DCDC1: variants seen among roughly 807,000 people sequenced by gnomAD.
DCDC1 encodes the protein doublecortin domain containing 1.
Under a neutral mutation model 178.3 loss-of-function variants are expected in DCDC1, and 200 were observed. The observed-to-expected ratio is 1.12, with a 90% CI of 1.00 to 1.26. DCDC1 has a LOEUF of 1.26. DCDC1 is among the 50% of genes most tolerant of loss of function. The pLI, the probability that DCDC1 is intolerant of heterozygous loss-of-function variation, is 0.00. For missense variants in DCDC1, 1,983 were observed against 1,749.2 expected (o/e 1.13, Z -2.38); for synonymous variants, 690 against 604.8 (o/e 1.14, Z -2.07).
intron 20 of DCDC1, among the ~76,000 whole-genome samples, chr11:30,995,345 C>T (rs1951201716): frequency 6.6e-6 from 1 of 152,048 alleles, no homozygotes; most frequent in Non-Finnish European, 1.5e-5. Flanking sequence ...CCAATTTGAT[C>T]TATAGATTCA....
chr11:31,295,737 T>C (rs890528250), intron 6 of DCDC1, among the ~76,000 whole-genome samples: 5 of 152,178 alleles, frequency 3.3e-5, no homozygotes, highest in Non-Finnish European at 7.4e-5. Flanking sequence ...ACTGAGAGTA[T>C]TCCCTCAACA....
chr11:31,018,377 G>C (rs946170974), intron 20 of DCDC1, among the ~76,000 whole-genome samples: 12 of 152,186 alleles, frequency 7.9e-5, no homozygotes, highest in Admixed American at 7.9e-4. Flanking sequence ...GAAGGTGTCA[G>C]TTTCTGTGAA....
intron 20 of DCDC1, among the ~76,000 whole-genome samples, chr11:30,956,017 C>T (rs1948752233): frequency 2.0e-5 from 3 of 152,062 alleles, no homozygotes; most frequent in Admixed American, 2.0e-4. Flanking sequence ...AATTTGAGGA[C>T]TTTTTTGGTT....
chr11:31,016,794 T>C (rs1019396602), intron 20 of DCDC1, among the ~76,000 whole-genome samples: 4 of 152,202 alleles, frequency 2.6e-5, no homozygotes, highest in Non-Finnish European at 4.4e-5. Context: ...TTTTACTGTC[T>C]GGGGTTCGAC....
intron 18 of DCDC1, among the ~76,000 whole-genome samples, chr11:31,066,889 C>T (rs1956281054): frequency 6.6e-6 from 1 of 152,100 alleles, no homozygotes. Flanking sequence ...AGTGTAGGTT[C>T]ACCAGTTATA....
At chr11:31,092,462 C>T (rs1014943270) in intron 16 of DCDC1, among the ~76,000 whole-genome samples, 2 of 152,208 alleles carry the variant, frequency 1.3e-5, no homozygotes, top group Admixed American at 1.3e-4. Context: ...GCTTGAACAT[C>T]ACATATGCTT....
Position 31,106,887 on chromosome 11 carries a change from C to G in DCDC1, c.1661G>C (p.Arg554Pro), listed in dbSNP as rs762541396. Residue 554 changes from arginine to proline, a missense_variant, in exon 13 of 39, where the codon CGG (arginine) becomes CCG (proline). Coordinates refer to ENST00000684477, the MANE Select transcript of DCDC1 (RefSeq NM_001387274.1). The stretch of plus-strand genomic sequence containing the variant: ...TTCTTGGCCATTCTCATCAAAAAGC[C>G]GCATTGAAGAATAATTGAGGCCTGG... Reference protein sequence around the residue: ...NPPGLNYSSMRLFDENGQEIK... With the variant: ...NPPGLNYSSMPLFDENGQEIK... The G allele has an allele frequency of 1.3e-6, 1 of 765,936 alleles. No individual in the cohort carries two copies. The highest frequency in any genetic ancestry group is 2.4e-6 in the Non-Finnish European group (1 of 417,796). The allele number at this position is 765,936 out of a possible 1,614,324, so 47.4% of individuals were successfully genotyped here.
At chr11:31,001,645 C>A (rs1287856491) in intron 20 of DCDC1, among the ~76,000 whole-genome samples, 6 of 152,164 alleles carry the variant, frequency 3.9e-5, no homozygotes, top group Admixed American at 3.3e-4. Flanking sequence ...ACAGACAAAC[C>A]ACTCTGTGTT....
chr11:31,296,799 CT>C (rs1471373370), intron 6 of DCDC1, among the ~76,000 whole-genome samples: 3 of 152,050 alleles, frequency 2.0e-5, no homozygotes, highest in African/African-American at 7.2e-5. Flanking sequence ...CAAAAAGCCC[CT>C]TATAAAGCCA....
intron 36 of DCDC1, among the ~76,000 whole-genome samples, chr11:30,885,831 T>A (rs989972403): frequency 6.6e-6 from 1 of 152,042 alleles, no homozygotes; most frequent in Admixed American, 6.6e-5. Flanking sequence ...GACCTAGCAA[T>A]CCCTCTAGGA....
intron 1 of DCDC1, among the ~76,000 whole-genome samples, chr11:31,354,165 A>G (rs933141758): frequency 2.2e-4 from 33 of 152,178 alleles, no homozygotes; most frequent in African/African-American, 8.0e-4. Flanking sequence ...ATGTGCCTGT[A>G]GTACCAGCTA....
At chr11:31,290,572 G>A in intron 7 of DCDC1, 75 bp downstream of exon 7, 2 of 1,397,438 alleles carry the variant, frequency 1.4e-6, no homozygotes, top group Non-Finnish European at 1.9e-6. Context: ...ATATTTAGAA[G>A]AAGAAAACAA....
chr11:30,978,610 C>T lies in DCDC1; in HGVS notation c.2592-26042G>A, dbSNP rs183643235. Among the ~76,000 whole-genome samples, 81 of 152,146 alleles carry T rather than the reference C, an allele frequency of 5.3e-4. 1 individual carries two copies. Among genetic ancestry groups the T allele is most frequent in the African/African-American group, 1.8e-3 (75 of 41,526 alleles). ...CCATTACCTCAAGTGTTTATCATTT[C>T]TATGTGTTGATAACATTTCAAGTCT... On this transcript the variant is annotated intron_variant, in intron 20 of 38. Coordinates refer to ENST00000684477, the MANE Select transcript of DCDC1 (RefSeq NM_001387274.1).
chr11:31,150,588 C>T (rs1396266951), intron 9 of DCDC1, among the ~76,000 whole-genome samples: 1 of 152,098 alleles, frequency 6.6e-6, no homozygotes, highest in Non-Finnish European at 1.5e-5. Context: ...ATCTATCTAT[C>T]TATCTTTCTA....
chr11:31,005,765 G>T (rs1161010496), intron 20 of DCDC1, among the ~76,000 whole-genome samples: 2 of 151,430 alleles, frequency 1.3e-5, no homozygotes, highest in Non-Finnish European at 2.9e-5. Context: ...TGAAATCATG[G>T]CTCCTTGATA....
At chr11:31,196,403 AC>A (rs927662628) in intron 9 of DCDC1, among the ~76,000 whole-genome samples, 38 of 151,640 alleles carry the variant, frequency 2.5e-4, no homozygotes, top group Admixed American at 3.3e-4. Context: ...AAGACTATCC[AC>A]CCCCCGACCA....
rs142903258 is a variant in DCDC1, at chr11:31,246,463, T to C, written c.1055-4847A>G. ...TTTCCCACCAATTCAACCTATTCAA[T>C]TGGCTTTTTTTTTTTTAAATGAAGT... On this transcript the variant is annotated intron_variant, in intron 8 of 38. Transcript: ENST00000684477. Among the ~76,000 whole-genome samples the C allele has an allele frequency of 7.0e-3, 1,059 of 151,894 alleles. 13 individuals carry two copies. Among genetic ancestry groups the C allele is most frequent in the African/African-American group, 0.024 (1,004 of 41,478 alleles).
intron 9 of DCDC1, among the ~76,000 whole-genome samples, chr11:31,183,405 C>T (rs895930989): frequency 5.3e-5 from 8 of 152,196 alleles, no homozygotes; most frequent in Non-Finnish European, 7.3e-5. Flanking sequence ...TCTCAGACCA[C>T]AGCACAATCA....
intron 20 of DCDC1, among the ~76,000 whole-genome samples, chr11:30,973,273 C>CAAA (rs35354864): frequency 0.023 from 2,587 of 113,698 alleles, 100 homozygotes; most frequent in African/African-American, 0.072. Flanking sequence ...GACTCCATCT[C>CAAA]AAAAAAAAAA....
Sources: allele counts gnomAD v4.1 joint callset (sites outside exome capture counted in the v4.1 genomes callset), GRCh38; gene constraint gnomAD v4.1.1; transcripts MANE v1.5; gene names NCBI Gene and HGNC (gene_info 2026-07-23, HGNC 2026-07-21).